The following CIB1 variants were observed in gnomAD, a reference collection of about 807,000 sequenced individuals.
The protein encoded by CIB1 is calcium and integrin binding 1.
In CIB1, 19 loss-of-function variants were observed where a neutral mutation model predicts 25.0. That is an observed-to-expected ratio of 0.76 (90% CI 0.53 to 1.12). CIB1 has a LOEUF of 1.12. CIB1 is among the 50% of genes most tolerant of loss of function. The pLI, the probability that CIB1 is intolerant of heterozygous loss-of-function variation, is 0.00. For missense variants in CIB1, 236 were observed against 242.6 expected (o/e 0.97, Z 0.18); for synonymous variants, 104 against 98.5 (o/e 1.06, Z -0.33).
the CIB1 span, chr15:90,251,677 A>G: frequency 6.6e-7 from 1 of 1,513,714 alleles, no homozygotes; most frequent in East Asian, 2.3e-5. Flanking sequence ...TGGACCCCCG[A>G]TCAGGCTTCC....
the CIB1 span, chr15:90,265,577 A>T: frequency 7.1e-7 from 1 of 1,401,358 alleles, no homozygotes; most frequent in Non-Finnish European, 9.6e-7. Flanking sequence ...GTGAGCCCAG[A>T]TCTTACCCCC....
chr15:90,257,129 T>G, the CIB1 span: 1 of 1,611,124 alleles, frequency 6.2e-7, no homozygotes. Flanking sequence ...TGGGTTTGCA[T>G]GCTCCCAGCC....
chr15:90,231,526 C>T lies in CIB1; in HGVS notation c.196-19G>A. On this transcript the variant is annotated intron_variant, in intron 3 of 6. Transcript: ENST00000328649. ...GGTTGGCCTAGGAGAACAAACGCCA[C>T]AGGACGTGGCCCAGGTCACACGCTC... 1 of 1,611,730 alleles carries T rather than the reference C, an allele frequency of 6.2e-7. No individual in the cohort carries two copies. Among genetic ancestry groups the T allele is most frequent in the Admixed American group, 1.7e-5 (1 of 59,630 alleles).
At position 90,231,197 on chromosome 15, in the gene CIB1, T is replaced by A. The variant is rs761018255; in HGVS notation, c.363A>T (p.Gly121=). 5 of 1,600,748 alleles carry A rather than the reference T, an allele frequency of 3.1e-6. No individual in the cohort carries two copies. In the Admixed American group the frequency reaches 5.2e-5, roughly 17 times the overall value. The stretch of plus-strand genomic sequence containing the variant: ...GGCTCAGGTCTTCTCTGTTCAAGGT[T>A]CCGTCATCATCAAAGTCTAGAGAGC... ...AFRIFDFDDD[G]TLNREDLSRL... The change falls in exon 5 of 7, where the codon GGA becomes GGT. Residue 121 remains glycine, a synonymous_variant. Transcript: ENST00000328649.
At chr15:90,250,873 A>G in the CIB1 span, 12 of 1,613,766 alleles carry the variant, frequency 7.4e-6, no homozygotes, top group Admixed American at 1.7e-4. Context: ...GGAGGAAGAG[A>G]AGGCGGAAAC....
At chr15:90,235,125 C>T (rs1962604748), upstream of CIB1, among the ~76,000 whole-genome samples, 1 of 152,148 alleles carries the variant, frequency 6.6e-6, no homozygotes, top group South Asian at 2.1e-4. Context: ...GCCCTCAGTC[C>T]CTCTTCCATC....
At chr15:90,249,214 CAAAAAAAAAAAAA>C in the CIB1 span, among the ~76,000 whole-genome samples, 1 of 88,228 alleles carries the variant, frequency 1.1e-5, no homozygotes, top group Non-Finnish European at 2.1e-5. Context: ...GACCCCGTCT[CAAAAAAAAAAAAA>C]AAAAAAAAAA....
the CIB1 span, among the ~76,000 whole-genome samples, chr15:90,239,949 C>T: frequency 2.6e-5 from 4 of 152,002 alleles, no homozygotes; most frequent in South Asian, 4.2e-4. Context: ...CGTGGCTGGG[C>T]GCAGTGGCTC....
the CIB1 span, among the ~76,000 whole-genome samples, chr15:90,255,349 C>T: frequency 6.6e-5 from 10 of 152,266 alleles, no homozygotes; most frequent in African/African-American, 2.4e-4. Context: ...GGGGCTGGTT[C>T]TTAGTTTCCT....
the CIB1 span, among the ~76,000 whole-genome samples, chr15:90,254,425 G>A: frequency 3.4e-5 from 5 of 148,156 alleles, no homozygotes; most frequent in Admixed American, 7.0e-5. Context: ...CCCAGGAGGC[G>A]GAGGTTGCAG....
At chr15:90,257,969 G>A in the CIB1 span, 129 of 1,453,024 alleles carry the variant, frequency 8.9e-5, no homozygotes, top group Admixed American at 2.4e-4. Context: ...TAGTGTGAGG[G>A]AGCCTCCTGC....
At chr15:90,242,226 T>C in the CIB1 span, 1 of 503,760 alleles carries the variant, frequency 2.0e-6, no homozygotes, top group South Asian at 2.8e-5. Flanking sequence ...TAGCTGAGAC[T>C]ATAGGCGTGC....
the CIB1 span, chr15:90,250,825 C>T: frequency 6.2e-7 from 1 of 1,614,038 alleles, no homozygotes; most frequent in African/African-American, 1.3e-5. Context: ...CGAAGAAAGT[C>T]ATAGCCCCAG....
the CIB1 span, chr15:90,255,676 C>T: frequency 6.3e-7 from 1 of 1,596,912 alleles, no homozygotes; most frequent in Non-Finnish European, 8.6e-7. Context: ...CCCAATCCTC[C>T]TCCACTGCTT....
Position 90,230,133 on chromosome 15 carries a change from G to A in CIB1, c.*351C>T. On this transcript the variant is annotated 3_prime_UTR_variant, in exon 7 of 7. Coordinates refer to ENST00000328649, the MANE Select transcript of CIB1 (RefSeq NM_006384.4). Reference sequence around the variant, plus strand: ...CACGGGGACAGCCAGCGTGGGTGCGGCTTGACTTCCCGCTGGCCTCTGCTC... The same window carrying A: ...CACGGGGACAGCCAGCGTGGGTGCGACTTGACTTCCCGCTGGCCTCTGCTC... 1 of 324,508 alleles carries A rather than the reference G, an allele frequency of 3.1e-6. No homozygotes were observed. The highest frequency in any genetic ancestry group is 5.8e-6 in the Non-Finnish European group (1 of 172,416). The allele number at this position is 324,508 out of a possible 1,614,324, so 20.1% of individuals were successfully genotyped here. A position where few individuals can be genotyped will look rare whatever the true frequency, so the allele number is the denominator to read the frequency against.
chr15:90,251,137 AGAG>A, the CIB1 span, among the ~76,000 whole-genome samples: 1 of 45,248 alleles, frequency 2.2e-5, no homozygotes, highest in East Asian at 1.8e-3. Context: ...TTTTTGAGAC[AGAG>A]TCTCGCTCTG....
the CIB1 span, among the ~76,000 whole-genome samples, chr15:90,251,969 A>G: frequency 1.1e-4 from 16 of 151,472 alleles, no homozygotes; most frequent in Non-Finnish European, 2.1e-4. Flanking sequence ...TGAACTCCCG[A>G]GCTCAAGCCG....
At chr15:90,255,733 A>T in the CIB1 span, 3 of 1,614,158 alleles carry the variant, frequency 1.9e-6, no homozygotes, top group Non-Finnish European at 2.5e-6. Context: ...CTGGGGGCTC[A>T]TACTAACTGG....
chr15:90,231,328 T>A, intron 4 of CIB1, 29 bp downstream of exon 4: 1 of 1,611,190 alleles, frequency 6.2e-7, no homozygotes, highest in Non-Finnish European at 8.5e-7. Context: ...GAAGGGGTGG[T>A]GTCCTGCCGG....
Sources: allele counts gnomAD v4.1 joint callset (sites outside exome capture counted in the v4.1 genomes callset), GRCh38; gene constraint gnomAD v4.1.1; transcripts MANE v1.5; gene names NCBI Gene and HGNC (gene_info 2026-07-23, HGNC 2026-07-21).